Variants in DHRSX observed in about 807,000 individuals in gnomAD.
The protein encoded by DHRSX is polyprenol dehydrogenase.
Under a neutral mutation model 34.0 loss-of-function variants are expected in DHRSX, and 31 were observed. That is an observed-to-expected ratio of 0.91 (90% CI 0.69 to 1.23). The LOEUF (loss-of-function observed/expected upper bound fraction) is 1.23, where lower values mean the gene tolerates loss of function less well. Among genes scored for constraint, DHRSX ranks in the 50% most tolerant of loss-of-function variants. DHRSX has a pLI of 0.00. For synonymous variants in DHRSX, 201 were observed against 183.8 expected (o/e 1.09, Z -0.76); for missense variants, 414 against 428.1 (o/e 0.97, Z 0.29).
At chrX:2,359,524 A>G (rs1299574827) in intron 3 of DHRSX, among the ~76,000 whole-genome samples, 1 of 151,974 alleles carries the variant, frequency 6.6e-6, no homozygotes, top group African/African-American at 2.4e-5. Flanking sequence ...CTAAAAATAC[A>G]AAAAAATTAG....
intron 1 of DHRSX, among the ~76,000 whole-genome samples, chrX:2,434,958 GA>G (rs1467409407): frequency 7.2e-5 from 11 of 152,186 alleles, no homozygotes; most frequent in African/African-American, 2.7e-4. Flanking sequence ...CACGTGATTT[GA>G]AAGGGGTTAC....
intron 1 of DHRSX, among the ~76,000 whole-genome samples, chrX:2,437,816 T>G (rs182834502): frequency 1.3e-5 from 2 of 151,906 alleles, no homozygotes; most frequent in African/African-American, 4.8e-5. Flanking sequence ...GAACACATTT[T>G]CCTGATATGC....
At chrX:2,222,065 G>A (rs1481471091) in intron 6 of DHRSX, among the ~76,000 whole-genome samples, 1 of 152,212 alleles carries the variant, frequency 6.6e-6, no homozygotes, top group Non-Finnish European at 1.5e-5. Context: ...ACACAGTAAT[G>A]AGGCACCGTC....
rs756999268 is a variant in DHRSX, at chrX:2,456,332, G to A, written c.110-31028C>T. Among the ~76,000 whole-genome samples the A allele has an allele frequency of 5.9e-5, 9 of 152,226 alleles. No individual in the cohort carries two copies. The Middle Eastern group carries it at 0.01, about 173-fold the overall frequency. The stretch of plus-strand genomic sequence containing the variant: ...CAGGTGAATCAAGAATGAAGGGTGC[G>A]GCCGGGCGCAGTGGCTCATGCCTGT... On this transcript the variant is annotated intron_variant, in intron 1 of 6. Transcript: ENST00000334651.
intron 3 of DHRSX, among the ~76,000 whole-genome samples, chrX:2,406,243 G>C (rs1292407327): frequency 6.6e-6 from 1 of 151,890 alleles, no homozygotes; most frequent in Non-Finnish European, 1.5e-5. Flanking sequence ...AGTGAGCCGA[G>C]ATCGCACCAC....
chrX:2,323,975 T>C (rs1035761892), intron 3 of DHRSX, among the ~76,000 whole-genome samples: 1 of 146,708 alleles, frequency 6.8e-6, no homozygotes, highest in African/African-American at 2.5e-5. Flanking sequence ...GAGGATCACC[T>C]GAGCCTCGGA....
intron 4 of DHRSX, among the ~76,000 whole-genome samples, chrX:2,276,602 A>AC (rs1287637987): frequency 6.6e-6 from 1 of 152,084 alleles, no homozygotes; most frequent in Non-Finnish European, 1.5e-5. Context: ...GCTCAGGGTC[A>AC]CAATCACATA....
rs140865974 is a variant in DHRSX at position 2,470,848 on chromosome X, C to G, written c.109+29969G>C. ...ACTAAAAGTAGATTTTACATATTCTCACTACAAAAAAAAGTAGGTGAGGTG... is the reference window on the plus strand; with the variant it reads ...ACTAAAAGTAGATTTTACATATTCTGACTACAAAAAAAAGTAGGTGAGGTG... On this transcript the variant is annotated intron_variant, in intron 1 of 6. Coordinates refer to ENST00000334651, the MANE Select transcript of DHRSX (RefSeq NM_145177.3). Among the ~76,000 whole-genome samples the G allele has an allele frequency of 2.9e-3, 437 of 152,110 alleles. 3 individuals are homozygous for G. The highest frequency in any genetic ancestry group is 9.2e-3 in the African/African-American group (381 of 41,490).
At chrX:2,469,326 C>T (rs756251395) in intron 1 of DHRSX, among the ~76,000 whole-genome samples, 3 of 148,788 alleles carry the variant, frequency 2.0e-5, no homozygotes, top group Non-Finnish European at 3.0e-5. Flanking sequence ...AAGGGACCGC[C>T]GCCATGTACA....
chrX:2,241,892 A>G (rs1031219594), intron 6 of DHRSX, among the ~76,000 whole-genome samples: 6 of 152,186 alleles, frequency 3.9e-5, no homozygotes, highest in Non-Finnish European at 8.8e-5. Context: ...TGGGCAACAC[A>G]GAACGAAACT....
At chrX:2,230,722 G>A (rs1484021632) in intron 6 of DHRSX, among the ~76,000 whole-genome samples, 2 of 152,168 alleles carry the variant, frequency 1.3e-5, no homozygotes, top group Non-Finnish European at 2.9e-5. Context: ...GACTGTGACA[G>A]GGCAATCCTG....
intron 3 of DHRSX, among the ~76,000 whole-genome samples, chrX:2,317,264 T>TTTTTTTTTTTTC (rs2042251898): frequency 7.8e-6 from 1 of 128,014 alleles, no homozygotes; most frequent in African/African-American, 3.1e-5. Context: ...GGCTTTTTTT[T>TTTTTTTTTTTTC]TTTTTGAGAC....
intron 3 of DHRSX, among the ~76,000 whole-genome samples, chrX:2,398,455 G>C (rs1311138440): frequency 1.3e-5 from 2 of 152,066 alleles, no homozygotes; most frequent in Non-Finnish European, 2.9e-5. Flanking sequence ...GATCGCCTGA[G>C]GCTGGGAGTT....
intron 1 of DHRSX, among the ~76,000 whole-genome samples, chrX:2,459,569 T>C (rs867642701): frequency 2.2e-5 from 3 of 136,884 alleles, no homozygotes; most frequent in Middle Eastern, 3.4e-3. Context: ...TATATATATA[T>C]ATATATATAT....
At chrX:2,477,169 T>A (rs1341325134) in intron 1 of DHRSX, among the ~76,000 whole-genome samples, 1 of 152,112 alleles carries the variant, frequency 6.6e-6, no homozygotes, top group South Asian at 2.1e-4. Flanking sequence ...AGAAGCTGTT[T>A]CCCTGCTCTG....
At chrX:2,270,471 C>G (rs1370486643) in intron 4 of DHRSX, among the ~76,000 whole-genome samples, 1 of 152,186 alleles carries the variant, frequency 6.6e-6, no homozygotes, top group East Asian at 1.9e-4. Flanking sequence ...TGTTTTACAG[C>G]CTCTCCAACC....
At chrX:2,383,962 G>C (rs1442290551) in intron 3 of DHRSX, among the ~76,000 whole-genome samples, 1 of 152,200 alleles carries the variant, frequency 6.6e-6, no homozygotes, top group African/African-American at 2.4e-5. Context: ...GGTTTAAGCA[G>C]GTTAAGACAA....
intron 3 of DHRSX, among the ~76,000 whole-genome samples, chrX:2,351,669 G>A (rs942952633): frequency 1.3e-5 from 2 of 152,168 alleles, no homozygotes; most frequent in African/African-American, 4.8e-5. Flanking sequence ...ATGATGCATT[G>A]GGAGTTGGCA....
intron 1 of DHRSX, among the ~76,000 whole-genome samples, chrX:2,432,157 G>A (rs898537844): frequency 1.3e-5 from 2 of 151,904 alleles, no homozygotes; most frequent in Non-Finnish European, 1.5e-5. Context: ...TCACGCCAGT[G>A]CACTCCAGCC....
Sources: gnomAD v4.1 joint callset for allele counts (sites outside exome capture counted in the v4.1 genomes callset) on GRCh38, gnomAD v4.1.1 for gene constraint, MANE v1.5 for transcripts, NCBI Gene and HGNC (gene_info 2026-07-23, HGNC 2026-07-21) for gene names.